SLC9A9: variants seen among roughly 807,000 people sequenced by gnomAD.
The protein encoded by SLC9A9 is solute carrier family 9 member A9.
Under a neutral mutation model 77.8 loss-of-function variants are expected in SLC9A9, and 62 were observed. The ratio of observed to expected loss-of-function variants is 0.80; its 90% CI spans 0.65 to 0.98. The LOEUF is 0.98. Among genes scored for constraint, SLC9A9 ranks in the 50% least tolerant of loss-of-function variants. The pLI, the probability that SLC9A9 is intolerant of heterozygous loss-of-function variation, is 0.00. For synonymous variants in SLC9A9, 320 were observed against 283.5 expected (o/e 1.13, Z -1.29); for missense variants, 775 against 774.9 (o/e 1.00, Z 0.00).
At chr3:143,757,973 C>T (rs1560065851) in intron 4 of SLC9A9, among the ~76,000 whole-genome samples, 1 of 152,252 alleles carries the variant, frequency 6.6e-6, no homozygotes, top group East Asian at 1.9e-4. Flanking sequence ...AACCCGTCAT[C>T]TTTGTTATTG....
At chr3:143,456,047 T>G (rs1193359628) in intron 12 of SLC9A9, among the ~76,000 whole-genome samples, 1 of 152,064 alleles carries the variant, frequency 6.6e-6, no homozygotes, top group Non-Finnish European at 1.5e-5. Context: ...GTATAAGTTT[T>G]TTTAGATGTC....
chr3:143,834,341 A>T (rs2009513229), intron 1 of SLC9A9, among the ~76,000 whole-genome samples: 1 of 152,158 alleles, frequency 6.6e-6, no homozygotes, highest in Non-Finnish European at 1.5e-5. Flanking sequence ...AACATAGATC[A>T]TCTACACTCT....
intron 11 of SLC9A9, among the ~76,000 whole-genome samples, chr3:143,486,647 G>C (rs914540284): frequency 1.3e-5 from 2 of 151,990 alleles, no homozygotes; most frequent in African/African-American, 4.8e-5. Context: ...AAAGGGGTGG[G>C]GACAGAGTTG....
chr3:143,590,083 G>C (rs2037620682), intron 6 of SLC9A9, among the ~76,000 whole-genome samples: 1 of 152,178 alleles, frequency 6.6e-6, no homozygotes, highest in South Asian at 2.1e-4. Flanking sequence ...GTTTTAATAT[G>C]AAACTATATC....
Position 143,754,603 on chromosome 3 carries a change from C to G in SLC9A9, c.533+40398G>C, listed in dbSNP as rs528624296. The stretch of plus-strand genomic sequence containing the variant: ...CAGAATAGGCTTTTCCCCATGTAAG[C>G]GAGCTACTGAAAAGGCTGTGTTGCT... On this transcript the variant is annotated intron_variant, in intron 4 of 15. Transcript: ENST00000316549. Among the ~76,000 whole-genome samples, 106 of 152,168 alleles carry G rather than the reference C, an allele frequency of 7.0e-4. 1 individual carries two copies. The highest frequency in any genetic ancestry group is 2.3e-3 in the African/African-American group (96 of 41,520).
At chr3:143,598,416 A>T (rs1350800261) in intron 6 of SLC9A9, among the ~76,000 whole-genome samples, 1 of 152,240 alleles carries the variant, frequency 6.6e-6, no homozygotes, top group East Asian at 1.9e-4. Context: ...CTGTGCCTTG[A>T]GAGGAGCCTC....
intron 14 of SLC9A9, among the ~76,000 whole-genome samples, chr3:143,318,023 G>A (rs1387416039): frequency 9.9e-5 from 15 of 152,112 alleles, no homozygotes; most frequent in Admixed American, 3.9e-4. Flanking sequence ...CACCGTGCCC[G>A]GCCTCATTTT....
chr3:143,644,968 C>G (rs1027436934), intron 6 of SLC9A9, among the ~76,000 whole-genome samples: 1 of 152,112 alleles, frequency 6.6e-6, no homozygotes, highest in African/African-American at 2.4e-5. Context: ...TCAGTTAATT[C>G]TGATCAAAAG....
At chr3:143,722,955 A>C (rs1488513625) in intron 4 of SLC9A9, among the ~76,000 whole-genome samples, 1 of 152,134 alleles carries the variant, frequency 6.6e-6, no homozygotes, top group Non-Finnish European at 1.5e-5. Context: ...ATCCCATATC[A>C]CCAGTTGTAA....
rs2036360681 is a variant in SLC9A9 at position 143,523,926 on chromosome 3, CT to C, written c.1089+28435del. ...CGAAGAAAGATTTGAATATAAATGT[CT>C]CTTCCACCTAAGTCAAACAATGATA... is the stretch of plus-strand genomic sequence containing the variant. On this transcript the variant is annotated intron_variant, in intron 9 of 15. Transcript: ENST00000316549. Among the ~76,000 whole-genome samples, 5 of 152,254 alleles carry C rather than the reference CT, an allele frequency of 3.3e-5. No individual in the cohort carries two copies. The South Asian group carries it at 1.0e-3, about 32-fold the overall frequency.
At chr3:143,481,077 T>C (rs1471593460) in intron 11 of SLC9A9, among the ~76,000 whole-genome samples, 2 of 152,194 alleles carry the variant, frequency 1.3e-5, no homozygotes, top group African/African-American at 4.8e-5. Flanking sequence ...CATTCACCTA[T>C]TTATATACCA....
chr3:143,272,045 A>G (rs1937913372), intron 14 of SLC9A9, among the ~76,000 whole-genome samples: 1 of 152,218 alleles, frequency 6.6e-6, no homozygotes, highest in Admixed American at 6.5e-5. Context: ...CAGCCAACAA[A>G]TGAGTTTTCT....
At chr3:143,670,750 T>C (rs1560023622) in intron 5 of SLC9A9, among the ~76,000 whole-genome samples, 2 of 152,234 alleles carry the variant, frequency 1.3e-5, no homozygotes, top group African/African-American at 4.8e-5. Flanking sequence ...TACTGCCAGT[T>C]GTCGTATCTA....
At chr3:143,305,950 G>A (rs897369705) in intron 14 of SLC9A9, among the ~76,000 whole-genome samples, 2 of 151,972 alleles carry the variant, frequency 1.3e-5, no homozygotes, top group Admixed American at 6.6e-5. Flanking sequence ...TGGACAAAAC[G>A]GTCTAACAAT....
chr3:143,643,372 C>T (rs1476009579), intron 6 of SLC9A9, among the ~76,000 whole-genome samples: 1 of 152,224 alleles, frequency 6.6e-6, no homozygotes, highest in African/African-American at 2.4e-5. Context: ...GGCTGCTCTA[C>T]ACAGTCTATG....
chr3:143,384,899 G>T (rs2033388389), intron 12 of SLC9A9, among the ~76,000 whole-genome samples: 1 of 152,168 alleles, frequency 6.6e-6, no homozygotes, highest in Non-Finnish European at 1.5e-5. Flanking sequence ...ACAGCTTAAG[G>T]GCCATGAAGG....
chr3:143,379,705 G>T (rs924410022), intron 13 of SLC9A9, among the ~76,000 whole-genome samples: 1 of 152,072 alleles, frequency 6.6e-6, no homozygotes, highest in Non-Finnish European at 1.5e-5. Context: ...TGAGGAGAGG[G>T]TATTATTTTT....
chr3:143,832,739 A>G (rs539886141), intron 1 of SLC9A9, among the ~76,000 whole-genome samples: 1 of 147,394 alleles, frequency 6.8e-6, no homozygotes, highest in East Asian at 2.0e-4. Context: ...CTGGCAGGTT[A>G]TCTGTGACCA....
chr3:143,498,942 A>G (rs1418855833), intron 9 of SLC9A9, among the ~76,000 whole-genome samples: 1 of 152,244 alleles, frequency 6.6e-6, no homozygotes, highest in Non-Finnish European at 1.5e-5. Context: ...ACTACTATTA[A>G]TAGACACTTG....
Sources: allele counts gnomAD v4.1 joint callset (sites outside exome capture counted in the v4.1 genomes callset), GRCh38; gene constraint gnomAD v4.1.1; transcripts MANE v1.5; gene names NCBI Gene and HGNC (gene_info 2026-07-23, HGNC 2026-07-21).